SETBP1: variants seen among roughly 807,000 people sequenced by gnomAD.
SETBP1 encodes the protein SET binding protein 1.
In SETBP1, 9 loss-of-function variants were observed where a neutral mutation model predicts 101.0. That is an observed-to-expected ratio of 0.09 (90% CI 0.05 to 0.16). The LOEUF (loss-of-function observed/expected upper bound fraction) is 0.16, where lower values mean the gene tolerates loss of function less well. Among genes scored for constraint, SETBP1 ranks in the 10% least tolerant of loss-of-function variants. The pLI is 1.00. For synonymous variants in SETBP1, 818 were observed against 788.5 expected (o/e 1.04, Z -0.63); for missense variants, 1,858 against 2,033.8 (o/e 0.91, Z 1.66).
intron 3 of SETBP1, among the ~76,000 whole-genome samples, chr18:44,885,857 C>CAA (rs1555696149): frequency 2.6e-5 from 2 of 78,166 alleles, no homozygotes; most frequent in Non-Finnish European, 4.7e-5. Context: ...AAAAAAAAAA[C>CAA]AAAAAAAAAA....
rs1568236664 is a variant in SETBP1, at chr18:44,952,184, C to T, written c.2844C>T (p.Arg948=). ...GGAAACGGAAAAGCCTGCAAAACCG[C>T]GATGACCTCCAGTTTCTGGCAGACC... The part of the protein sequence containing the change: ...HKRKRKSLQN[R]DDLQFLADLE... Residue 948 remains arginine, a synonymous_variant, in exon 4 of 6, where the codon CGC becomes CGT. Coordinates refer to ENST00000649279, the MANE Select transcript of SETBP1 (RefSeq NM_015559.3). The T allele has an allele frequency of 3.7e-6, 6 of 1,614,154 alleles. No individual in the cohort carries two copies. Among genetic ancestry groups the T allele is most frequent in the East Asian group, 2.2e-5 (1 of 44,882 alleles).
intron 4 of SETBP1, among the ~76,000 whole-genome samples, chr18:45,003,540 G>A (rs748197137): frequency 2.0e-5 from 3 of 152,104 alleles, no homozygotes; most frequent in Non-Finnish European, 4.4e-5. Context: ...GCATGGCCTC[G>A]AGGACAGGAG....
intron 2 of SETBP1, among the ~76,000 whole-genome samples, chr18:44,801,634 C>T (rs937045977): frequency 3.3e-5 from 5 of 152,046 alleles, no homozygotes; most frequent in Admixed American, 3.3e-4. Context: ...ACATTGGGAC[C>T]ATTCATGGTT....
At chr18:44,682,066 T>C (rs547313113) in intron 1 of SETBP1, among the ~76,000 whole-genome samples, 3 of 152,332 alleles carry the variant, frequency 2.0e-5, no homozygotes, top group Admixed American at 6.5e-5. Context: ...TTTCATTCCT[T>C]CACTCTTCAT....
intron 2 of SETBP1, among the ~76,000 whole-genome samples, chr18:44,786,749 TCTC>T (rs1184485072): frequency 1.3e-5 from 2 of 152,152 alleles, no homozygotes. Flanking sequence ...TGCTTTTTTC[TCTC>T]CTCCTCCAAG....
At chr18:44,938,513 A>C (rs1188854441) in intron 3 of SETBP1, among the ~76,000 whole-genome samples, 1 of 152,254 alleles carries the variant, frequency 6.6e-6, no homozygotes, top group African/African-American at 2.4e-5. Flanking sequence ...CCAGCTGCTT[A>C]TCTCTCCAGA....
chr18:44,935,919 G>A (rs12608010), intron 3 of SETBP1, among the ~76,000 whole-genome samples: 1 of 152,014 alleles, frequency 6.6e-6, no homozygotes, highest in African/African-American at 2.4e-5. Flanking sequence ...CACTAATTTT[G>A]CCCCTTCATT....
rs2073972274 is a variant in SETBP1, at chr18:45,066,720, A to G, written c.*3022A>G. 6.6e-6 allele frequency: 1 copy of G among 150,624 alleles called. No individual in the cohort carries two copies. Among genetic ancestry groups the G allele is most frequent in the African/African-American group, 2.4e-5 (1 of 40,866 alleles). 9.3% of individuals were successfully genotyped at this position (150,624 alleles called of 1,614,324 possible). A position where few individuals can be genotyped will look rare whatever the true frequency, so the allele number is the denominator to read the frequency against. ...TCTTTTGGGATGCATGGTGCTCCACATACAGCTTCACAAAATATTTCATTA... is the reference window on the plus strand; with the variant it reads ...TCTTTTGGGATGCATGGTGCTCCACGTACAGCTTCACAAAATATTTCATTA... On this transcript the variant is annotated 3_prime_UTR_variant, in exon 6 of 6. Transcript: ENST00000649279.
intron 3 of SETBP1, among the ~76,000 whole-genome samples, chr18:44,946,997 A>T (rs2071222086): frequency 6.6e-6 from 1 of 152,202 alleles, no homozygotes; most frequent in Non-Finnish European, 1.5e-5. Flanking sequence ...CTGTCGTAAA[A>T]TGTATGCTTC....
At chr18:44,733,952 A>G (rs892593589) in intron 2 of SETBP1, among the ~76,000 whole-genome samples, 1 of 152,214 alleles carries the variant, frequency 6.6e-6, no homozygotes, top group Non-Finnish European at 1.5e-5. Flanking sequence ...CATTCATCAC[A>G]GGATCTGCCC....
chr18:44,901,792 A>G (rs997019891), intron 3 of SETBP1, among the ~76,000 whole-genome samples: 2 of 152,236 alleles, frequency 1.3e-5, no homozygotes. Context: ...TTGACCAGTT[A>G]GAAATATTAC....
In SETBP1 at chr18:44,950,994, G is replaced by A. The variant is rs775952461; in HGVS notation, c.1654G>A (p.Asp552Asn). 8 of 1,613,902 alleles carry A rather than the reference G, an allele frequency of 5.0e-6. No individual in the cohort carries two copies. The highest frequency in any genetic ancestry group is 5.9e-6 in the Non-Finnish European group (7 of 1,180,042). ...MLREAVMATS[D>N]KLMLEPPSAY... ...TCGAGAGGCAGTTATGGCCACCTCTGATAAACTGATGCTGGAGCCCCCGTC... is the reference window on the plus strand; with the variant it reads ...TCGAGAGGCAGTTATGGCCACCTCTAATAAACTGATGCTGGAGCCCCCGTC... Residue 552 changes from aspartate (D) to asparagine (N), a missense_variant, in exon 4 of 6, where the codon GAT (aspartate) becomes AAT (asparagine). Around this residue, in one of 12 missense-constraint regions of SETBP1, gnomAD observed 581 missense variants for 535.1 expected, o/e 1.09. Coordinates refer to ENST00000649279, the MANE Select transcript of SETBP1 (RefSeq NM_015559.3).
intron 2 of SETBP1, among the ~76,000 whole-genome samples, chr18:44,847,441 G>A (rs1055925021): frequency 1.1e-4 from 16 of 152,222 alleles, no homozygotes; most frequent in Non-Finnish European, 1.5e-5. Context: ...TGCAAAGAAA[G>A]AACCCTCAGA....
chr18:44,710,450 G>GTTTT (rs11375634), intron 2 of SETBP1, among the ~76,000 whole-genome samples: 34 of 123,380 alleles, frequency 2.8e-4, no homozygotes, highest in Non-Finnish European at 3.5e-4. Context: ...CATTTTAGGA[G>GTTTT]TTTTTTTTTT....
At chr18:44,934,414 G>T (rs910696987) in intron 3 of SETBP1, among the ~76,000 whole-genome samples, 4 of 152,344 alleles carry the variant, frequency 2.6e-5, no homozygotes, top group Admixed American at 6.5e-5. Context: ...CTCCCGAAGT[G>T]CTGGGATTAC....
chr18:44,689,743 A>G (rs1301413432), intron 1 of SETBP1, among the ~76,000 whole-genome samples: 4 of 152,184 alleles, frequency 2.6e-5, no homozygotes, highest in African/African-American at 9.6e-5. Context: ...AGTCTTGGGT[A>G]GGTATGGAGC....
At chr18:44,810,595 T>A (rs1009623314) in intron 2 of SETBP1, among the ~76,000 whole-genome samples, 9 of 152,172 alleles carry the variant, frequency 5.9e-5, no homozygotes, top group Non-Finnish European at 1.3e-4. Context: ...GAGTGAATAA[T>A]GTTTGATTTA....
chr18:44,752,168 G>A (rs981682056), intron 2 of SETBP1, among the ~76,000 whole-genome samples: 13 of 152,124 alleles, frequency 8.5e-5, no homozygotes, highest in African/African-American at 1.9e-4. Flanking sequence ...AACAATCCAC[G>A]TTTGTATATT....
chr18:44,935,020 C>T (rs1231341069), intron 3 of SETBP1, among the ~76,000 whole-genome samples: 1 of 152,166 alleles, frequency 6.6e-6, no homozygotes, highest in Non-Finnish European at 1.5e-5. Flanking sequence ...TGATGGGAAG[C>T]CATCAGGACA....
Sources: gnomAD v4.1 joint callset for allele counts (sites outside exome capture counted in the v4.1 genomes callset) on GRCh38, gnomAD v4.1.1 for gene constraint, gnomAD v4.1.1 regional missense constraint, MANE v1.5 for transcripts, NCBI Gene and HGNC (gene_info 2026-07-23, HGNC 2026-07-21) for gene names.